Variants in AUTS2 observed in about 807,000 individuals in gnomAD.
AUTS2 encodes the protein autism susceptibility gene 2 protein.
AUTS2 carries 17 observed loss-of-function variants against 112.4 expected under a neutral mutation model. That is an observed-to-expected ratio of 0.15 (90% confidence interval 0.10 to 0.23). AUTS2 has a LOEUF of 0.23. Among genes scored for constraint, AUTS2 ranks in the 10% least tolerant of loss-of-function variants. The pLI, the probability that AUTS2 is intolerant of heterozygous loss-of-function variation, is 1.00. For missense variants in AUTS2, 1,510 were observed against 1,701.6 expected, an observed-to-expected ratio of 0.89 and a Z score of 1.98; for synonymous variants, 751 against 702.7, an observed-to-expected ratio of 1.07 and a Z score of -1.09.
At chr7:70,374,678 T>G (rs180893090) in intron 4 of AUTS2, among the ~76,000 whole-genome samples, 1 of 152,312 alleles carries the variant, frequency 6.6e-6, no homozygotes, top group African/African-American at 2.4e-5. Context: ...AAAAGTATAT[T>G]CACATATCAG....
At chr7:70,047,200 A>C (rs1289305651) in intron 2 of AUTS2, among the ~76,000 whole-genome samples, 8 of 152,222 alleles carry the variant, frequency 5.3e-5, no homozygotes, top group Admixed American at 4.6e-4. Context: ...AAACTCTTAT[A>C]CAGGCCAGTA....
intron 1 of AUTS2, among the ~76,000 whole-genome samples, chr7:69,656,069 C>T (rs1227943838): frequency 6.6e-6 from 1 of 152,234 alleles, no homozygotes; most frequent in East Asian, 1.9e-4. Flanking sequence ...CTTCTTTTCA[C>T]TGTATGTCCC....
chr7:70,593,089 G>A (rs1017211412), intron 5 of AUTS2, among the ~76,000 whole-genome samples: 3 of 151,332 alleles, frequency 2.0e-5, no homozygotes, highest in African/African-American at 4.9e-5. Flanking sequence ...GGCCTCAAGC[G>A]ATTCTCCTGC....
intron 6 of AUTS2, among the ~76,000 whole-genome samples, chr7:70,722,375 C>T (rs561386612): frequency 4.9e-4 from 75 of 152,068 alleles, no homozygotes; most frequent in Non-Finnish European, 8.4e-4. Flanking sequence ...AAGAGGGACA[C>T]GTGGAAAATA....
chr7:69,806,145 C>T (rs550972690), intron 1 of AUTS2, among the ~76,000 whole-genome samples: 13 of 150,586 alleles, frequency 8.6e-5, no homozygotes, highest in Non-Finnish European at 1.5e-4. Flanking sequence ...GTCTTCCTAC[C>T]TCCACCTCCC....
At chr7:70,177,356 C>T (rs1645750911) in intron 4 of AUTS2, among the ~76,000 whole-genome samples, 1 of 152,142 alleles carries the variant, frequency 6.6e-6, no homozygotes, top group Admixed American at 6.5e-5. Context: ...TAGCTAGTAG[C>T]TGGCCGAGCC....
chr7:70,487,234 C>T (rs556973530), intron 5 of AUTS2, among the ~76,000 whole-genome samples: 1 of 152,184 alleles, frequency 6.6e-6, no homozygotes, highest in Non-Finnish European at 1.5e-5. Context: ...CCCCCGCGCC[C>T]CCCTCCCAGC....
intron 5 of AUTS2, among the ~76,000 whole-genome samples, chr7:70,599,337 T>C (rs534257125): frequency 8.5e-5 from 13 of 152,216 alleles, no homozygotes; most frequent in Non-Finnish European, 1.6e-4. Flanking sequence ...CTCAGTACCT[T>C]TTAATGACCT....
At chr7:69,954,700 C>T (rs1431042703) in intron 2 of AUTS2, among the ~76,000 whole-genome samples, 1 of 152,146 alleles carries the variant, frequency 6.6e-6, no homozygotes, top group Non-Finnish European at 1.5e-5. Context: ...AAGAGAAGTT[C>T]GAAGTTTTGC....
chr7:70,367,231 C>A (rs1792616875), intron 4 of AUTS2, among the ~76,000 whole-genome samples: 1 of 152,098 alleles, frequency 6.6e-6, no homozygotes, highest in East Asian at 1.9e-4. Context: ...CCACTGCTCT[C>A]CAGCCTGGGT....
intron 5 of AUTS2, among the ~76,000 whole-genome samples, chr7:70,518,399 T>G (rs1355094120): frequency 2.0e-5 from 3 of 152,180 alleles, no homozygotes; most frequent in East Asian, 3.9e-4. Flanking sequence ...CGTGTCTTTT[T>G]GGGCTGGGTG....
intron 1 of AUTS2, among the ~76,000 whole-genome samples, chr7:69,805,398 G>T (rs894772384): frequency 1.3e-5 from 2 of 152,072 alleles, no homozygotes; most frequent in African/African-American, 4.8e-5. Context: ...CAAATAATAC[G>T]CAGAGGCAGA....
intron 1 of AUTS2, among the ~76,000 whole-genome samples, chr7:69,646,882 C>G (rs1048020047): frequency 6.6e-6 from 1 of 152,130 alleles, no homozygotes; most frequent in Non-Finnish European, 1.5e-5. Context: ...ATCAGGAGAT[C>G]GAGACCATCC....
At chr7:70,373,551 C>G (rs1210513747) in intron 4 of AUTS2, among the ~76,000 whole-genome samples, 2 of 152,054 alleles carry the variant, frequency 1.3e-5, no homozygotes, top group East Asian at 3.9e-4. Context: ...TTTCTGCTCT[C>G]AAAATAATCT....
At chr7:70,238,962 A>G (rs1812467225) in intron 4 of AUTS2, among the ~76,000 whole-genome samples, 1 of 152,134 alleles carries the variant, frequency 6.6e-6, no homozygotes, top group South Asian at 2.1e-4. Context: ...GCTTTGAGCA[A>G]TAGAGCTCTT....
At chr7:70,764,640 G>A (rs997128893) in intron 7 of AUTS2, 112 bp from the exon 8 acceptor site, 1 of 652,506 alleles carries the variant, frequency 1.5e-6, no homozygotes, top group Non-Finnish European at 2.8e-6. Flanking sequence ...AGAGGAAGGG[G>A]CAAGAGAGAC....
intron 2 of AUTS2, among the ~76,000 whole-genome samples, chr7:69,900,067 C>T (rs927644149): frequency 6.6e-6 from 1 of 152,108 alleles, no homozygotes; most frequent in Non-Finnish European, 1.5e-5. Flanking sequence ...ATTGTATGAA[C>T]GTCTGATAAT....
At chr7:70,246,270 G>T (rs910219126) in intron 4 of AUTS2, among the ~76,000 whole-genome samples, 11 of 152,002 alleles carry the variant, frequency 7.2e-5, no homozygotes, top group African/African-American at 2.4e-4. Flanking sequence ...TCCCTACTCT[G>T]AGGTCATAAA....
chr7:69,663,178 T>C (rs1243076995), intron 1 of AUTS2: 2 of 152,224 alleles, frequency 1.3e-5, no homozygotes, highest in African/African-American at 4.8e-5. Flanking sequence ...GGTACTCTTA[T>C]TGTCAAATAG....
Sources: gnomAD v4.1 joint callset for allele counts (sites outside exome capture counted in the v4.1 genomes callset) on GRCh38, gnomAD v4.1.1 for gene constraint, MANE v1.5 for transcripts, NCBI Gene and HGNC (gene_info 2026-07-23, HGNC 2026-07-21) for gene names.